Variants in NAALADL2 observed in about 807,000 individuals in gnomAD.
NAALADL2 encodes the protein N-acetylated alpha-linked acidic dipeptidase like 2, also known as inactive N-acetylated-alpha-linked acidic dipeptidase-like protein 2.
In NAALADL2, 76 loss-of-function variants were observed where a neutral mutation model predicts 87.2. That is an observed-to-expected ratio of 0.87 (90% confidence interval 0.72 to 1.05). NAALADL2 has a LOEUF of 1.05. Among genes scored for constraint, NAALADL2 ranks in the 50% least tolerant of loss-of-function variants. The probability of loss-of-function intolerance (pLI) is 0.00; values close to 1 mark genes in which losing one functional copy is unlikely to be tolerated. For missense variants in NAALADL2, 1,089 were observed against 945.8 expected (o/e 1.15, Z -1.99); for synonymous variants, 354 against 331.0 (o/e 1.07, Z -0.75).
At chr3:175,319,082 C>G (rs1759512388) in intron 4 of NAALADL2, among the ~76,000 whole-genome samples, 1 of 152,216 alleles carries the variant, frequency 6.6e-6, no homozygotes, top group Admixed American at 6.5e-5. Context: ...CTCTCCCTCC[C>G]CCACATGGGT....
intron 7 of NAALADL2, among the ~76,000 whole-genome samples, chr3:175,464,072 G>C (rs1427741368): frequency 1.3e-5 from 2 of 152,074 alleles, no homozygotes; most frequent in African/African-American, 4.8e-5. Context: ...CTATCCTCAT[G>C]TGATCCACCA....
At chr3:175,374,873 C>CAAATAAATAAAT (rs35005055) in intron 5 of NAALADL2, among the ~76,000 whole-genome samples, 9 of 147,132 alleles carry the variant, frequency 6.1e-5, no homozygotes, top group East Asian at 2.0e-4. Flanking sequence ...GACCCTGTCG[C>CAAATAAATAAAT]AAATAAATAA....
At chr3:175,407,110 G>T (rs1213434797) in intron 5 of NAALADL2, among the ~76,000 whole-genome samples, 1 of 152,088 alleles carries the variant, frequency 6.6e-6, no homozygotes, top group Non-Finnish European at 1.5e-5. Flanking sequence ...CTTGAACCCA[G>T]GAGGCAGAGG....
chr3:175,519,460 C>T (rs983012369), intron 9 of NAALADL2, among the ~76,000 whole-genome samples: 3 of 152,128 alleles, frequency 2.0e-5, no homozygotes, highest in African/African-American at 7.2e-5. Context: ...TTGGAAGGGT[C>T]ATTCAAACCA....
chr3:175,212,578 T>A (rs1343920699), intron 2 of NAALADL2, among the ~76,000 whole-genome samples: 1 of 151,804 alleles, frequency 6.6e-6, no homozygotes, highest in African/African-American at 2.4e-5. Flanking sequence ...CCTCTCCTCA[T>A]CCCCTTTCCT....
chr3:175,265,308 A>C (rs1751739575), intron 4 of NAALADL2, among the ~76,000 whole-genome samples: 1 of 151,670 alleles, frequency 6.6e-6, no homozygotes, highest in Admixed American at 6.6e-5. Context: ...CCTAAAACTG[A>C]CTTTGTGATT....
At chr3:175,163,474 T>C (rs948898163) in intron 2 of NAALADL2, among the ~76,000 whole-genome samples, 10 of 151,778 alleles carry the variant, frequency 6.6e-5, no homozygotes, top group African/African-American at 2.2e-4. Context: ...CTGAAATTGG[T>C]ATAGCCAAGC....
At chr3:175,478,189 A>G (rs554625624) in intron 9 of NAALADL2, among the ~76,000 whole-genome samples, 27 of 152,032 alleles carry the variant, frequency 1.8e-4, no homozygotes, top group South Asian at 1.2e-3. Context: ...ATGAATTGCA[A>G]TTCTTTTCTG....
chr3:175,014,323 C>G (rs1214962901), intron 1 of NAALADL2, among the ~76,000 whole-genome samples: 1 of 152,092 alleles, frequency 6.6e-6, no homozygotes, highest in African/African-American at 2.4e-5. Flanking sequence ...AAAACTACAA[C>G]ACCTACCTGC....
intron 11 of NAALADL2, among the ~76,000 whole-genome samples, chr3:175,727,757 A>C (rs1309148669): frequency 6.6e-6 from 1 of 152,124 alleles, no homozygotes; most frequent in Non-Finnish European, 1.5e-5. Flanking sequence ...GGCCTTCACA[A>C]ATGTAAGCAG....
intron 1 of NAALADL2, among the ~76,000 whole-genome samples, chr3:174,893,540 A>G (rs1377125629): frequency 1.3e-5 from 2 of 151,850 alleles, no homozygotes; most frequent in Non-Finnish European, 2.9e-5. Context: ...AAGAAACAAA[A>G]AGTTAAAAAG....
intron 11 of NAALADL2, among the ~76,000 whole-genome samples, chr3:175,735,712 C>T (rs893946544): frequency 3.9e-5 from 6 of 152,096 alleles, no homozygotes; most frequent in African/African-American, 1.4e-4. Flanking sequence ...CCCCATGATT[C>T]AGTCATCTAT....
chr3:175,471,212 G>A (rs1724814418), intron 8 of NAALADL2, among the ~76,000 whole-genome samples: 1 of 151,920 alleles, frequency 6.6e-6, no homozygotes, highest in South Asian at 2.1e-4. Context: ...ATGGCCGGGT[G>A]CGGTGGCTCA....
At chr3:175,074,516 CT>C (rs1391926313) in intron 1 of NAALADL2, among the ~76,000 whole-genome samples, 1 of 151,950 alleles carries the variant, frequency 6.6e-6, no homozygotes, top group Non-Finnish European at 1.5e-5. Flanking sequence ...AATACATTAA[CT>C]TTCCAGTCTT....
chr3:175,005,125 A>G (rs1307332184), intron 1 of NAALADL2, among the ~76,000 whole-genome samples: 2 of 152,312 alleles, frequency 1.3e-5, no homozygotes. Flanking sequence ...TGTTTTCACT[A>G]TATGCCCGGC....
At chr3:175,551,915 T>C (rs1306678728) in intron 9 of NAALADL2, among the ~76,000 whole-genome samples, 1 of 104,098 alleles carries the variant, frequency 9.6e-6, no homozygotes, top group Admixed American at 9.8e-5. Context: ...AGAGCGAGAC[T>C]CTGTCTCAAA....
At chr3:175,687,355 A>G (rs114826324) in intron 11 of NAALADL2, among the ~76,000 whole-genome samples, 1,660 of 152,324 alleles carry the variant, frequency 0.011, 17 homozygotes, top group Non-Finnish European at 0.018. Context: ...TGTAAGTATT[A>G]TGCCGTTGTG....
intron 4 of NAALADL2, among the ~76,000 whole-genome samples, chr3:175,311,398 G>A (rs1206323742): frequency 1.3e-5 from 2 of 152,060 alleles, no homozygotes; most frequent in African/African-American, 2.4e-5. Flanking sequence ...ACCTTATGAA[G>A]ACACATTTCT....
chr3:175,297,884 T>G (rs1004529744), intron 4 of NAALADL2, among the ~76,000 whole-genome samples: 4 of 152,174 alleles, frequency 2.6e-5, no homozygotes, highest in African/African-American at 9.7e-5. Flanking sequence ...TATGTAAAAA[T>G]CTGGTATTGG....
Sources: gnomAD v4.1 joint callset for allele counts (sites outside exome capture counted in the v4.1 genomes callset) on GRCh38, gnomAD v4.1.1 for gene constraint, MANE v1.5 for transcripts, NCBI Gene and HGNC (gene_info 2026-07-23, HGNC 2026-07-21) for gene names.